Variants in LRRC1 observed in about 807,000 individuals in gnomAD.
LRRC1 encodes leucine-rich repeat-containing protein 1.
LRRC1 carries 28 observed loss-of-function variants against 69.9 expected under a neutral mutation model. The observed-to-expected ratio is 0.40, with a 90% confidence interval of 0.30 to 0.55. The LOEUF (loss-of-function observed/expected upper bound fraction) is 0.55, where lower values mean the gene tolerates loss of function less well. Ranked by LOEUF, LRRC1 falls within the 20% of genes least tolerant of loss-of-function variation. The probability of loss-of-function intolerance (pLI) is 0.47; values close to 1 mark genes in which losing one functional copy is unlikely to be tolerated. For missense variants in LRRC1, 498 were observed against 609.0 expected (o/e 0.82, Z 1.92); for synonymous variants, 236 against 240.2 (o/e 0.98, Z 0.16).
At chr6:53,854,977 T>G (rs549110843) in intron 2 of LRRC1, among the ~76,000 whole-genome samples, 33 of 144,588 alleles carry the variant, frequency 2.3e-4, no homozygotes, top group Admixed American at 2.3e-3. Flanking sequence ...AAGGTTGATG[T>G]GTGGTAGATA....
At chr6:53,839,984 T>C (rs1380372050) in intron 1 of LRRC1, among the ~76,000 whole-genome samples, 1 of 152,216 alleles carries the variant, frequency 6.6e-6, no homozygotes, top group East Asian at 1.9e-4. Flanking sequence ...AGCTGTCATA[T>C]TGCTGCAGTG....
rs578213481 is a variant in LRRC1, at chr6:53,869,096, A to G, written c.278-9897A>G. 7.2e-5 allele frequency among the ~76,000 whole-genome samples: 11 copies of G among 152,344 alleles called. No homozygotes were observed. In the East Asian group the frequency reaches 2.1e-3, roughly 29 times the overall value. ...TAATAAGTGCAGAAAACTGGTGCAG[A>G]TATTGCTCTTATGGCTGTTCGGATT... On this transcript the variant is annotated intron_variant, in intron 2 of 13. Transcript: ENST00000370888.
At chr6:53,887,547 A>G (rs1350679167) in intron 4 of LRRC1, among the ~76,000 whole-genome samples, 4 of 151,816 alleles carry the variant, frequency 2.6e-5, no homozygotes, top group Non-Finnish European at 5.9e-5. Context: ...AGCTTTACCC[A>G]TCCTGAGCTT....
At chr6:53,901,592 C>T (rs1423197813) in intron 8 of LRRC1, among the ~76,000 whole-genome samples, 1 of 151,868 alleles carries the variant, frequency 6.6e-6, no homozygotes, top group African/African-American at 2.4e-5. Context: ...GTTTGGGCTG[C>T]TTAGTGAAGA....
intron 10 of LRRC1, chr6:53,904,939 C>G (rs1046511498): frequency 6.5e-6 from 1 of 153,386 alleles, no homozygotes; most frequent in Non-Finnish European, 1.4e-5. Flanking sequence ...ACAAACTGTT[C>G]ACAAAGGCAT....
At position 53,883,922 on chromosome 6, in the gene LRRC1, C is replaced by G. The variant is rs1209851314; in HGVS notation, c.446+946C>G. 4.2e-6 allele frequency: 3 copies of G among 717,714 alleles called. No individual in the cohort carries two copies. The African/African-American group carries it at 5.2e-5, about 13-fold the overall frequency. The allele number at this position is 717,714 out of a possible 1,614,324, so 44.5% of individuals were successfully genotyped here. A position where few individuals can be genotyped will look rare whatever the true frequency, so the allele number is the denominator to read the frequency against. ...GGTTTATAAGAATATTTGCAGACAG[C>G]TTTTCCCTTTCCTTTCTATCCTCTT... On this transcript the variant is annotated intron_variant, in intron 4 of 13. Coordinates refer to ENST00000370888, the MANE Select transcript of LRRC1 (RefSeq NM_018214.5).
intron 2 of LRRC1, among the ~76,000 whole-genome samples, chr6:53,862,645 C>G (rs1766567682): frequency 6.6e-6 from 1 of 152,192 alleles, no homozygotes; most frequent in African/African-American, 2.4e-5. Context: ...CAAAGGCCGT[C>G]TCTCTTTCCT....
At chr6:53,876,959 T>C (rs1214096874) in intron 2 of LRRC1, among the ~76,000 whole-genome samples, 1 of 152,200 alleles carries the variant, frequency 6.6e-6, no homozygotes, top group Non-Finnish European at 1.5e-5. Context: ...GGATTCTGTG[T>C]GGGTGCTCCA....
At chr6:53,918,464 T>C (rs1469586788) in intron 11 of LRRC1, among the ~76,000 whole-genome samples, 3 of 152,280 alleles carry the variant, frequency 2.0e-5, no homozygotes, top group African/African-American at 7.2e-5. Context: ...TGATTTTTTT[T>C]ACTTCTTTTA....
rs1194927044 is a variant in LRRC1, at chr6:53,840,880, GTGTT to G, written c.160-1226_160-1223del. On this transcript the variant is annotated intron_variant, in intron 1 of 13. Transcript: ENST00000370888. Reference sequence around the variant, plus strand: ...TGTTTCCTCTGGGGTGGGGGGGTATGTGTTTGTGTGTGTGTGTGTGTGTGTGTGT... The same window carrying G: ...TGTTTCCTCTGGGGTGGGGGGGTATGTGTGTGTGTGTGTGTGTGTGTGTGT... 8.2e-5 allele frequency among the ~76,000 whole-genome samples: 11 copies of G among 134,136 alleles called. No homozygotes were observed. The South Asian group carries it at 2.8e-3, about 34-fold the overall frequency. 88.0% of individuals were successfully genotyped at this position (134,136 alleles called of 152,430 possible).
At chr6:53,843,190 C>A (rs142368804) in intron 2 of LRRC1, among the ~76,000 whole-genome samples, 1 of 152,276 alleles carries the variant, frequency 6.6e-6, no homozygotes, top group East Asian at 1.9e-4. Context: ...TCCTTTATTT[C>A]TCTCCTATTA....
Position 53,795,441 on chromosome 6 carries a change from C to T in LRRC1, c.159+26C>T, listed in dbSNP as rs541431699. On this transcript the variant is annotated intron_variant, in intron 1 of 13. Coordinates refer to ENST00000370888, the MANE Select transcript of LRRC1 (RefSeq NM_018214.5). ...GTAAGGGTCCGGCCTCACCTGAGCG[C>T]TCTGCCCGCTCGTCTGCTGTCCCTT... 24 of 1,593,638 alleles carry T rather than the reference C, an allele frequency of 1.5e-5. No individual in the cohort carries two copies. In the Admixed American group the frequency reaches 1.7e-4, roughly 11 times the overall value.
At chr6:53,872,557 G>A (rs1263893720) in intron 2 of LRRC1, among the ~76,000 whole-genome samples, 1 of 151,964 alleles carries the variant, frequency 6.6e-6, no homozygotes, top group African/African-American at 2.4e-5. Context: ...TTGAAGTCAG[G>A]TAGTATGTTG....
chr6:53,833,927 AT>A (rs1765535100), intron 1 of LRRC1, among the ~76,000 whole-genome samples: 1 of 152,198 alleles, frequency 6.6e-6, no homozygotes, highest in South Asian at 2.1e-4. Flanking sequence ...AGTATTTGTG[AT>A]TCTCTGGAAT....
At chr6:53,897,738 A>G (rs1767922624) in intron 7 of LRRC1, among the ~76,000 whole-genome samples, 1 of 152,148 alleles carries the variant, frequency 6.6e-6, no homozygotes, top group Non-Finnish European at 1.5e-5. Flanking sequence ...TAATTTGACC[A>G]TGTTTTGCCC....
At chr6:53,828,530 T>C (rs550356392) in intron 1 of LRRC1, among the ~76,000 whole-genome samples, 1 of 152,266 alleles carries the variant, frequency 6.6e-6, no homozygotes, top group Admixed American at 6.5e-5. Flanking sequence ...CTTCATTCAG[T>C]GTTGACTGAC....
intron 6 of LRRC1, 100 bp downstream of exon 6, chr6:53,896,992 C>A: frequency 1.3e-6 from 1 of 778,666 alleles, no homozygotes; most frequent in Non-Finnish European, 2.2e-6. Context: ...CCAGTATTTC[C>A]ACAGATGTAA....
intron 3 of LRRC1, 143 bp from the exon 4 acceptor site, chr6:53,882,744 C>T (rs1299872384): frequency 8.9e-6 from 5 of 559,858 alleles, no homozygotes; most frequent in African/African-American, 2.0e-5. Context: ...TATAGGAAGA[C>T]AAGGCAAACA....
chr6:53,899,864 T>C lies in LRRC1; in HGVS notation c.760T>C (p.Leu254=), dbSNP rs1460444362. The C allele has an allele frequency of 6.2e-7, 1 of 1,613,908 alleles. No homozygotes were observed. The highest frequency in any genetic ancestry group is 8.5e-7 in the Non-Finnish European group (1 of 1,179,926). The change falls in exon 8 of 14, where the codon TTA becomes CTA. Residue 254 remains leucine, a synonymous_variant. Transcript: ENST00000370888. ...AACGGATTTAGTCATTTCCCAGAAC[T>C]TATTAGAAACGATTCCGGATGGCAT... ...SLTDLVISQN[L]LETIPDGIGK...
Sources: gnomAD v4.1 joint callset for allele counts (sites outside exome capture counted in the v4.1 genomes callset) on GRCh38, gnomAD v4.1.1 for gene constraint, MANE v1.5 for transcripts, NCBI Gene and HGNC (gene_info 2026-07-23, HGNC 2026-07-21) for gene names.